Variants in PDE11A observed in about 807,000 individuals in gnomAD.
The protein encoded by PDE11A is dual 3',5'-cyclic-AMP and -GMP phosphodiesterase 11A.
Under a neutral mutation model 100.5 loss-of-function variants are expected in PDE11A, and 100 were observed. The observed-to-expected ratio is 1.00, with a 90% confidence interval of 0.85 to 1.18. The LOEUF (loss-of-function observed/expected upper bound fraction) is 1.18, where lower values mean the gene tolerates loss of function less well. Among genes scored for constraint, PDE11A ranks in the 50% most tolerant of loss-of-function variants. PDE11A has a pLI of 0.00. For missense variants in PDE11A, 1,141 were observed against 1,152.6 expected, an observed-to-expected ratio of 0.99 and a Z score of 0.15; for synonymous variants, 381 against 420.8, an observed-to-expected ratio of 0.91 and a Z score of 1.16.
At chr2:177,845,160 G>C (rs577399650) in intron 5 of PDE11A, among the ~76,000 whole-genome samples, 5,710 of 148,232 alleles carry the variant, frequency 0.039, 327 homozygotes, top group African/African-American at 0.14. Context: ...GGCTGGCCGG[G>C]CGGGGGGCTG....
chr2:177,733,199 G>A (rs150962707), intron 10 of PDE11A, among the ~76,000 whole-genome samples: 20 of 152,278 alleles, frequency 1.3e-4, no homozygotes, highest in African/African-American at 4.6e-4. Flanking sequence ...TTTATAAGGT[G>A]TCATATCCCT....
Position 177,898,132 on chromosome 2 carries a change from T to C in PDE11A, c.1228A>G (p.Ile410Val). Residue 410 changes from isoleucine (I) to valine (V), a missense_variant, in exon 4 of 20, where the codon ATA (isoleucine) becomes GTA (valine). By Grantham distance (29) the Ile-to-Val change is conservative. Transcript: ENST00000286063. ...QTDLEKIVKK[I>V]MHRAQTLLKC... The stretch of plus-strand genomic sequence containing the variant: ...AGCAGAGTTTGGGCCCGATGCATTA[T>C]TTTCTTGACAATTTTCTCCAGGTCA... 2 of 1,611,564 alleles carry C rather than the reference T, an allele frequency of 1.2e-6. No homozygotes were observed. Among genetic ancestry groups the C allele is most frequent in the Non-Finnish European group, 1.7e-6 (2 of 1,177,662 alleles).
Position 177,816,814 on chromosome 2 carries a change from A to G in PDE11A, c.1737+15T>C, listed in dbSNP as rs2083045962. 1.4e-6 allele frequency: 2 copies of G among 1,461,228 alleles called. No individual in the cohort carries two copies. Among genetic ancestry groups the G allele is most frequent in the Non-Finnish European group, 1.9e-6 (2 of 1,040,194 alleles). 90.5% of individuals were successfully genotyped at this position (1,461,228 alleles called of 1,614,324 possible). Reference sequence around the variant, plus strand: ...AGCTGACAGCATACAAACCTGACATAAACACTGTACTTACATCAAGAGCCA... The same window carrying G: ...AGCTGACAGCATACAAACCTGACATGAACACTGTACTTACATCAAGAGCCA... On this transcript the variant is annotated intron_variant, in intron 9 of 19. Coordinates refer to ENST00000286063, the MANE Select transcript of PDE11A (RefSeq NM_016953.4).
At chr2:177,809,842 A>G (rs2082922573) in intron 9 of PDE11A, among the ~76,000 whole-genome samples, 1 of 152,204 alleles carries the variant, frequency 6.6e-6, no homozygotes, top group African/African-American at 2.4e-5. Flanking sequence ...GTTTAAAGGA[A>G]GAAGAGTGAG....
intron 3 of PDE11A, among the ~76,000 whole-genome samples, chr2:177,900,242 C>A (rs539899599): frequency 6.6e-6 from 1 of 152,242 alleles, no homozygotes; most frequent in South Asian, 2.1e-4. Flanking sequence ...CAGTGAATTG[C>A]CCAGAGGGCA....
chr2:177,766,647 G>A (rs1045504720), intron 10 of PDE11A, among the ~76,000 whole-genome samples: 6 of 152,086 alleles, frequency 3.9e-5, no homozygotes, highest in African/African-American at 1.2e-4. Context: ...TTCAGTAAAC[G>A]CTTTTCACTG....
chr2:177,767,248 T>C (rs1424425939), intron 10 of PDE11A, among the ~76,000 whole-genome samples: 1 of 152,140 alleles, frequency 6.6e-6, no homozygotes, highest in Non-Finnish European at 1.5e-5. Flanking sequence ...GAGAATCACT[T>C]GAACCCGGGA....
At chr2:177,651,764 A>G (rs1193034649) in intron 19 of PDE11A, among the ~76,000 whole-genome samples, 1 of 152,164 alleles carries the variant, frequency 6.6e-6, no homozygotes, top group African/African-American at 2.4e-5. Context: ...ATTGAATCAA[A>G]GACTTGGAGA....
intron 5 of PDE11A, among the ~76,000 whole-genome samples, chr2:177,866,202 G>A (rs2084026669): frequency 6.6e-6 from 1 of 151,908 alleles, no homozygotes; most frequent in South Asian, 2.1e-4. Context: ...ACCTCATCAG[G>A]AAGTATAGCT....
At chr2:177,725,303 T>C (rs1242847956) in intron 12 of PDE11A, among the ~76,000 whole-genome samples, 1 of 146,446 alleles carries the variant, frequency 6.8e-6, no homozygotes, top group South Asian at 2.3e-4. Flanking sequence ...TTGGAGAAGA[T>C]ACTTACGTTA....
At chr2:177,657,187 AC>A (rs1156324202) in intron 19 of PDE11A, among the ~76,000 whole-genome samples, 9 of 152,240 alleles carry the variant, frequency 5.9e-5, no homozygotes, top group Admixed American at 2.6e-4. Flanking sequence ...TTGACTAATA[AC>A]ACATAGAATA....
chr2:177,763,491 T>C (rs2082197249), intron 10 of PDE11A, among the ~76,000 whole-genome samples: 1 of 152,118 alleles, frequency 6.6e-6, no homozygotes, highest in Admixed American at 6.5e-5. Flanking sequence ...AAGACAAAGC[T>C]CCTGCCCTCT....
rs146213998 is a variant in PDE11A, at chr2:177,726,874, CAT to C, written c.2043+782_2043+783del. The stretch of plus-strand genomic sequence containing the variant: ...ACACACCCACAGATATGTACGTACA[CAT>C]GTGTGTATATATAACTATGAAGCCA... On this transcript the variant is annotated intron_variant, in intron 12 of 19. Transcript: ENST00000286063. Among the ~76,000 whole-genome samples the C allele has an allele frequency of 1.8e-3, 271 of 151,854 alleles. 1 individual carries two copies. Among genetic ancestry groups the C allele is most frequent in the African/African-American group, 6.3e-3 (261 of 41,428 alleles).
rs1347722376 is a variant in PDE11A, at chr2:177,998,048, T to A, written c.1071+16254A>T. 20 of 1,275,946 alleles carry A rather than the reference T, an allele frequency of 1.6e-5. No individual in the cohort carries two copies. The East Asian group carries it at 3.5e-4, about 22-fold the overall frequency. 79.0% of individuals were successfully genotyped at this position (1,275,946 alleles called of 1,614,324 possible). ...GAGAAGAAGGGTACTGCCTGCTGAG[T>A]GCACTGTAAGAGCCTGCCCACACAC... On this transcript the variant is annotated intron_variant, in intron 2 of 19. Coordinates refer to ENST00000286063, the MANE Select transcript of PDE11A (RefSeq NM_016953.4).
intron 1 of PDE11A, among the ~76,000 whole-genome samples, chr2:178,107,914 G>A (rs893452758): frequency 2.6e-5 from 4 of 151,950 alleles, no homozygotes; most frequent in Non-Finnish European, 4.4e-5. Context: ...TAGAGACGGG[G>A]TTTCACCATG....
At chr2:177,849,165 A>G (rs948327542) in intron 5 of PDE11A, among the ~76,000 whole-genome samples, 13 of 152,202 alleles carry the variant, frequency 8.5e-5, no homozygotes, top group African/African-American at 3.1e-4. Flanking sequence ...AAGCTGGCAC[A>G]TGGAAACCCA....
At chr2:177,951,431 T>G (rs1324634530) in intron 2 of PDE11A, among the ~76,000 whole-genome samples, 3 of 150,936 alleles carry the variant, frequency 2.0e-5, no homozygotes, top group Non-Finnish European at 4.4e-5. Context: ...TTGAGAAAGA[T>G]AGTTTATATT....
intron 12 of PDE11A, among the ~76,000 whole-genome samples, chr2:177,715,757 T>C (rs2081428347): frequency 6.6e-6 from 1 of 152,242 alleles, no homozygotes; most frequent in South Asian, 2.1e-4. Context: ...TTCTGAAAAT[T>C]TCTTCTGTTC....
At chr2:178,078,111 C>T (rs1472749044) in intron 2 of PDE11A, among the ~76,000 whole-genome samples, 2 of 152,060 alleles carry the variant, frequency 1.3e-5, no homozygotes, top group East Asian at 1.9e-4. Context: ...CTTCTCACCT[C>T]CTGCCACAAC....
Sources: gnomAD v4.1 joint callset for allele counts (sites outside exome capture counted in the v4.1 genomes callset) on GRCh38, gnomAD v4.1.1 for gene constraint, MANE v1.5 for transcripts, NCBI Gene and HGNC (gene_info 2026-07-23, HGNC 2026-07-21) for gene names.